Variants in CDK13 observed in about 807,000 individuals in gnomAD.
CDK13 encodes cyclin dependent kinase 13, also known as cyclin-dependent kinase 13.
CDK13 carries 40 observed loss-of-function variants against 137.6 expected under a neutral mutation model. The ratio of observed to expected loss-of-function variants is 0.29; its 90% confidence interval spans 0.23 to 0.38. The LOEUF (loss-of-function observed/expected upper bound fraction) is 0.38. Ranked by LOEUF, CDK13 falls within the 10% of genes least tolerant of loss-of-function variation. The pLI is 1.00. For missense variants in CDK13, 1,704 were observed against 1,951.8 expected (o/e 0.87, Z 2.39); for synonymous variants, 869 against 760.1 (o/e 1.14, Z -2.36).
In CDK13 at chr7:39,991,465, C is replaced by T. The variant is rs1784453066; in HGVS notation, c.1871+3207C>T. On this transcript the variant is annotated intron_variant, in intron 2 of 13. Transcript: ENST00000181839. ...TCCTGGTTGACTTTCACTGTTGTATCCACAAATACATTAGCAAAAGTGTGT... is the reference window on the plus strand; with the variant it reads ...TCCTGGTTGACTTTCACTGTTGTATTCACAAATACATTAGCAAAAGTGTGT... Among the ~76,000 whole-genome samples the T allele has an allele frequency of 3.4e-5, 5 of 148,020 alleles. No homozygotes were observed. In the South Asian group the frequency reaches 1.1e-3, roughly 32 times the overall value.
chr7:39,957,879 A>G (rs758279807), intron 1 of CDK13, among the ~76,000 whole-genome samples: 1 of 152,196 alleles, frequency 6.6e-6, no homozygotes, highest in Non-Finnish European at 1.5e-5. Flanking sequence ...CATATAAGAT[A>G]ATTTTAATTT....
At position 39,951,683 on chromosome 7, in the gene CDK13, A is replaced by G; in HGVS notation, c.1042A>G (p.Ser348Gly). The G allele has an allele frequency of 1.4e-6, 2 of 1,464,660 alleles. No homozygotes were observed. Among genetic ancestry groups the G allele is most frequent in the East Asian group, 2.7e-5 (1 of 37,394 alleles). The allele number at this position is 1,464,660 out of a possible 1,614,324, so 90.7% of individuals were successfully genotyped here. A position where few individuals can be genotyped will look rare whatever the true frequency, so the allele number is the denominator to read the frequency against. ...RKSPSPAGGG[S>G]SPYSRRLPRS... is the part of the protein sequence containing the mutation. ...GTCCCCCAGCCCGGCAGGAGGTGGC[A>G]GCAGCCCCTATTCTCGGCGGCTGCC... The change falls in exon 1 of 14, where the codon AGC becomes GGC. Residue 348 changes from serine (S) to glycine (G), a missense_variant. This residue lies in a region of CDK13 where 1,051 missense variants were observed against 931.0 expected (regional missense o/e 1.13). Transcript: ENST00000181839.
At chr7:40,002,538 A>T (rs1309880087) in intron 5 of CDK13, among the ~76,000 whole-genome samples, 3 of 152,186 alleles carry the variant, frequency 2.0e-5, no homozygotes, top group Non-Finnish European at 4.4e-5. Context: ...CCTGCTTATT[A>T]AAGTAGTTAT....
At chr7:39,958,437 TAA>T (rs1410315819) in intron 1 of CDK13, among the ~76,000 whole-genome samples, 2 of 152,194 alleles carry the variant, frequency 1.3e-5, no homozygotes, top group African/African-American at 4.8e-5. Flanking sequence ...TATAAGAGAT[TAA>T]AAGGCCCCTT....
At chr7:39,979,749 G>T (rs1784184921) in intron 1 of CDK13, among the ~76,000 whole-genome samples, 1 of 152,140 alleles carries the variant, frequency 6.6e-6, no homozygotes, top group Non-Finnish European at 1.5e-5. Flanking sequence ...ATGTTGATAT[G>T]GCGGGGTTAT....
At chr7:40,080,972 A>G (rs1786651132) in intron 11 of CDK13, among the ~76,000 whole-genome samples, 1 of 146,902 alleles carries the variant, frequency 6.8e-6, no homozygotes, top group Admixed American at 6.8e-5. Flanking sequence ...AGATTTCCCC[A>G]GTTGACCCAA....
At chr7:40,036,464 C>T (rs1241388091) in intron 5 of CDK13, among the ~76,000 whole-genome samples, 1 of 152,046 alleles carries the variant, frequency 6.6e-6, no homozygotes, top group African/African-American at 2.4e-5. Context: ...CCCAGCTACT[C>T]TGGAGGCTGA....
rs1436829576 is a variant in CDK13, at chr7:39,987,765, C to T, written c.1378C>T (p.Arg460Ter). Residue 460 changes from arginine to a stop codon, truncating the protein, a stop_gained, in exon 2 of 14, where the codon CGA becomes TGA. Coordinates refer to ENST00000181839, the MANE Select transcript of CDK13 (RefSeq NM_003718.5). LOFTEE classifies it high-confidence loss of function. ...TGAATTGAACAAGAATAAAAAAGCACGAGCAGCAGAGGCAGCAAGAGCCGC... is the reference window on the plus strand; with the variant it reads ...TGAATTGAACAAGAATAAAAAAGCATGAGCAGCAGAGGCAGCAAGAGCCGC... ...AAELNKNKKA[R>*]AAEAARAAEA... is the part of the protein sequence containing the mutation. 1 of 1,614,066 alleles carries T rather than the reference C, an allele frequency of 6.2e-7. No homozygotes were observed. Among genetic ancestry groups the T allele is most frequent in the Non-Finnish European group, 8.5e-7 (1 of 1,179,998 alleles).
At chr7:39,959,222 T>C (rs1357805526) in intron 1 of CDK13, among the ~76,000 whole-genome samples, 3 of 151,790 alleles carry the variant, frequency 2.0e-5, no homozygotes, top group Non-Finnish European at 1.5e-5. Context: ...GCTGGAATGG[T>C]GCGATCTCGG....
chr7:39,995,905 G>A (rs1784551716), intron 2 of CDK13, among the ~76,000 whole-genome samples: 1 of 152,174 alleles, frequency 6.6e-6, no homozygotes, highest in Non-Finnish European at 1.5e-5. Flanking sequence ...AGCTACTCAG[G>A]AGGCTGAGGC....
intron 9 of CDK13, among the ~76,000 whole-genome samples, chr7:40,064,636 A>G (rs1473350677): frequency 1.3e-5 from 2 of 152,138 alleles, no homozygotes; most frequent in African/African-American, 4.8e-5. Flanking sequence ...TCTGGGGATA[A>G]CTTGGCTATA....
intron 5 of CDK13, among the ~76,000 whole-genome samples, chr7:40,018,264 A>C (rs17171645): frequency 0.09 from 13,684 of 151,958 alleles, 992 homozygotes; most frequent in East Asian, 0.33. Context: ...ATTGTTAGAG[A>C]GTAATTAGGG....
intron 5 of CDK13, among the ~76,000 whole-genome samples, chr7:40,013,534 A>G (rs151321794): frequency 1.3e-5 from 2 of 152,250 alleles, no homozygotes; most frequent in Non-Finnish European, 2.9e-5. Context: ...ATATGATTCC[A>G]TTTATATGAA....
chr7:40,050,453 G>A (rs567220566), intron 7 of CDK13, among the ~76,000 whole-genome samples: 12 of 152,284 alleles, frequency 7.9e-5, no homozygotes, highest in Admixed American at 3.9e-4. Flanking sequence ...GTGCAGTGGC[G>A]TGATCTCAGC....
chr7:40,062,079 A>G (rs1160062995), intron 7 of CDK13: 4 of 152,220 alleles, frequency 2.6e-5, no homozygotes, highest in African/African-American at 4.8e-5. Context: ...TGCCAAAAAT[A>G]TGATCAATTG....
At chr7:40,018,240 G>A (rs1361829144) in intron 5 of CDK13, among the ~76,000 whole-genome samples, 3 of 151,986 alleles carry the variant, frequency 2.0e-5, no homozygotes, top group Admixed American at 2.0e-4. Context: ...TTAATGTAAT[G>A]CTGGAGAGTA....
At chr7:39,996,988 A>AAAAAAAAAAAAT (rs1784577673) in intron 2 of CDK13, among the ~76,000 whole-genome samples, 1 of 150,898 alleles carries the variant, frequency 6.6e-6, no homozygotes, top group African/African-American at 2.4e-5. Flanking sequence ...AAAAAAAAAA[A>AAAAAAAAAAAAT]GAAAAATGCT....
At chr7:39,963,785 G>A (rs1055251825) in intron 1 of CDK13, among the ~76,000 whole-genome samples, 4 of 2,978 alleles carry the variant, frequency 1.3e-3, no homozygotes, top group East Asian at 0.25. Context: ...ATTATTTTGA[G>A]ATACGTCCAT....
intron 1 of CDK13, among the ~76,000 whole-genome samples, chr7:39,972,787 G>A (rs1463485912): frequency 2.0e-5 from 3 of 152,028 alleles, no homozygotes; most frequent in Non-Finnish European, 4.4e-5. Flanking sequence ...TTTTGCATGA[G>A]CATTTGTTTT....
Sources: gnomAD v4.1 joint callset for allele counts (sites outside exome capture counted in the v4.1 genomes callset) on GRCh38, gnomAD v4.1.1 for gene constraint, gnomAD v4.1.1 regional missense constraint, MANE v1.5 for transcripts, NCBI Gene and HGNC (gene_info 2026-07-23, HGNC 2026-07-21) for gene names.